The following VTI1B variants were observed in gnomAD, a reference collection of about 807,000 sequenced individuals.
VTI1B encodes vesicle transport through interaction with t-SNAREs homolog 1B.
VTI1B carries 18 observed loss-of-function variants against 28.6 expected under a neutral mutation model. The ratio of observed to expected loss-of-function variants is 0.63; its 90% confidence interval spans 0.43 to 0.93. VTI1B has a LOEUF of 0.93. Ranked by LOEUF, VTI1B falls within the 40% of genes least tolerant of loss-of-function variation. The probability of loss-of-function intolerance (pLI) is 0.00; values close to 1 mark genes in which losing one functional copy is unlikely to be tolerated. For synonymous variants in VTI1B, 100 were observed against 107.9 expected, an observed-to-expected ratio of 0.93 and a Z score of 0.46; for missense variants, 283 against 297.0, an observed-to-expected ratio of 0.95 and a Z score of 0.35.
At position 67,650,824 on chromosome 14, in the gene VTI1B, T is replaced by C; in HGVS notation, c.*561A>G. On this transcript the variant is annotated 3_prime_UTR_variant, in exon 6 of 6. Transcript: ENST00000554659. Reference sequence around the variant, plus strand: ...CAGTAGATGTGATTGCTTCAAGCTTTGGTCAGACAAGAGAAGGAGGGCATA... The same window carrying C: ...CAGTAGATGTGATTGCTTCAAGCTTCGGTCAGACAAGAGAAGGAGGGCATA... 1 of 1,614,194 alleles carries C rather than the reference T, an allele frequency of 6.2e-7. No homozygotes were observed. The highest frequency in any genetic ancestry group is 1.6e-4 in the Middle Eastern group (1 of 6,062).
At chr14:67,667,379 C>A (rs1384013067) in intron 1 of VTI1B, among the ~76,000 whole-genome samples, 4 of 152,120 alleles carry the variant, frequency 2.6e-5, no homozygotes, top group African/African-American at 4.8e-5. Flanking sequence ...TTTATTTGTA[C>A]ACCGTGACAG....
chr14:67,648,467 TTTGAG>T lies in VTI1B; in HGVS notation c.*2913_*2917del. 1.2e-5 allele frequency: 3 copies of T among 246,582 alleles called. No individual in the cohort carries two copies. Among genetic ancestry groups the T allele is most frequent in the Non-Finnish European group, 2.3e-5 (3 of 129,320 alleles). 15.3% of individuals were successfully genotyped at this position (246,582 alleles called of 1,614,324 possible). On this transcript the variant is annotated 3_prime_UTR_variant, in exon 6 of 6. Transcript: ENST00000554659. The stretch of plus-strand genomic sequence containing the variant: ...ATAAATTGTCAAACTGATGCAGTTC[TTTGAG>T]TTATCTAAAGGCAGATTAAGATAAG...
At chr14:67,662,934 A>G (rs2037357671) in intron 1 of VTI1B, 4 of 1,307,856 alleles carry the variant, frequency 3.1e-6, no homozygotes, top group South Asian at 4.7e-5. Context: ...ATGTTTACCA[A>G]TAGTGACTCT....
intron 3 of VTI1B, among the ~76,000 whole-genome samples, chr14:67,657,593 C>T (rs1012007255): frequency 2.2e-5 from 3 of 139,122 alleles, no homozygotes; most frequent in Non-Finnish European, 3.0e-5. Context: ...AGCACGCGCG[C>T]GCGTGCACAC....
At chr14:67,659,581 A>T (rs2140821476) in intron 3 of VTI1B, 150 bp downstream of exon 3, 2 of 742,176 alleles carry the variant, frequency 2.7e-6, no homozygotes, top group Non-Finnish European at 4.1e-6. Context: ...GGGTAACAGG[A>T]ACTGGATGCA....
At chr14:67,653,522 T>C in intron 4 of VTI1B, 24 bp from the exon 5 acceptor site, 1 of 1,602,862 alleles carries the variant, frequency 6.2e-7, no homozygotes, top group Non-Finnish European at 8.5e-7. Context: ...ATAGTGATTA[T>C]TTCCCTCTTT....
At chr14:67,669,082 AC>A (rs1319018226) in intron 1 of VTI1B, among the ~76,000 whole-genome samples, 1 of 152,126 alleles carries the variant, frequency 6.6e-6, no homozygotes, top group Admixed American at 6.5e-5. Context: ...TTTACTCCTC[AC>A]AAAAACCCTG....
chr14:67,665,897 G>A (rs1438268610), intron 1 of VTI1B, among the ~76,000 whole-genome samples: 1 of 152,206 alleles, frequency 6.6e-6, no homozygotes, highest in Non-Finnish European at 1.5e-5. Context: ...CAAATGGTAT[G>A]ACTCTTGACC....
rs753682357 is a variant in VTI1B at position 67,648,231 on chromosome 14, G to C, written c.*3154C>G. ...GCCTGTTAACTACATAGGTAAATAT[G>C]CTAGAGTCTCTTGCCTGCAAAGGAT... is the stretch of plus-strand genomic sequence containing the variant. On this transcript the variant is annotated 3_prime_UTR_variant, in exon 6 of 6. Coordinates refer to ENST00000554659, the MANE Select transcript of VTI1B (RefSeq NM_006370.3). 7 of 1,565,000 alleles carry C rather than the reference G, an allele frequency of 4.5e-6. No homozygotes were observed. In the East Asian group the frequency reaches 1.4e-4, roughly 31 times the overall value.
intron 3 of VTI1B, among the ~76,000 whole-genome samples, chr14:67,659,210 G>A (rs551940083): frequency 2.0e-5 from 3 of 152,150 alleles, no homozygotes; most frequent in African/African-American, 7.2e-5. Context: ...GCTCCTTCTC[G>A]AGAAGCGCCC....
intron 1 of VTI1B, among the ~76,000 whole-genome samples, chr14:67,666,895 C>A (rs1338665418): frequency 3.9e-5 from 6 of 152,316 alleles, no homozygotes; most frequent in African/African-American, 1.4e-4. Flanking sequence ...TAGCCTTTAA[C>A]AACTGGTAAA....
intron 1 of VTI1B, among the ~76,000 whole-genome samples, chr14:67,665,625 C>T (rs1030728645): frequency 6.6e-6 from 1 of 152,150 alleles, no homozygotes; most frequent in Non-Finnish European, 1.5e-5. Flanking sequence ...TCTATAATCT[C>T]AACTTGAGAC....
chr14:67,674,281 G>A, intron 1 of VTI1B, 94 bp downstream of exon 1: 1 of 1,209,660 alleles, frequency 8.3e-7, no homozygotes, highest in Non-Finnish European at 1.1e-6. Context: ...GGAGGGAGGA[G>A]ACGCGGGCCC....
At position 67,647,854 on chromosome 14, in the gene VTI1B, G is replaced by A; in HGVS notation, c.*3531C>T. On this transcript the variant is annotated 3_prime_UTR_variant, in exon 6 of 6. Transcript: ENST00000554659. ...AAATGGCAGTATCATGAAGTGGTATGTAGGAAGTTAATATTGCCAATCTCA... is the reference window on the plus strand; with the variant it reads ...AAATGGCAGTATCATGAAGTGGTATATAGGAAGTTAATATTGCCAATCTCA... The A allele has an allele frequency of 1.7e-6, 1 of 601,024 alleles. No homozygotes were observed. Among genetic ancestry groups the A allele is most frequent in the Non-Finnish European group, 2.9e-6 (1 of 343,712 alleles). The allele number at this position is 601,024 out of a possible 1,614,324, so 37.2% of individuals were successfully genotyped here.
intron 5 of VTI1B, chr14:67,651,744 C>T (rs2037180903): frequency 3.4e-6 from 1 of 294,134 alleles, no homozygotes; most frequent in Admixed American, 4.8e-5. Context: ...GTAGTTACTT[C>T]CTTTAAAAAT....
chr14:67,657,984 G>A (rs2037285522), intron 3 of VTI1B, among the ~76,000 whole-genome samples: 1 of 151,882 alleles, frequency 6.6e-6, no homozygotes, highest in African/African-American at 2.4e-5. Context: ...CCTGACCTCA[G>A]GTGATCCACC....
intron 3 of VTI1B, 44 bp downstream of exon 3, chr14:67,659,687 G>T: frequency 6.5e-7 from 1 of 1,539,800 alleles, no homozygotes; most frequent in Non-Finnish European, 8.8e-7. Context: ...TGTACCACAG[G>T]CCCTTAAAGG....
rs750127521 is a variant in VTI1B at position 67,662,496 on chromosome 14, T to C, written c.155A>G (p.Gln52Arg). 6.2e-6 allele frequency: 10 copies of C among 1,612,368 alleles called. No individual in the cohort carries two copies. The highest frequency in any genetic ancestry group is 8.5e-6 in the Non-Finnish European group (10 of 1,179,620). The change falls in exon 2 of 6, where the codon CAA becomes CGA. Residue 52 changes from glutamine (Q) to arginine (R), a missense_variant. Transcript: ENST00000554659. ...TCTCACCGTTTCATTTGCTTCCTGTTGCTTTTCATCAAAATCCCTGATCAA... is the reference window on the plus strand; with the variant it reads ...TCTCACCGTTTCATTTGCTTCCTGTCGCTTTTCATCAAAATCCCTGATCAA... ...KKLIRDFDEK[Q>R]QEANETLAEM... is the part of the protein sequence containing the mutation.
intron 4 of VTI1B, among the ~76,000 whole-genome samples, chr14:67,655,335 T>A (rs2037241865): frequency 6.6e-6 from 1 of 151,958 alleles, no homozygotes; most frequent in South Asian, 2.1e-4. Context: ...TCTAAAAAAC[T>A]AAAAAATTCC....
Sources: gnomAD v4.1 joint callset for allele counts (sites outside exome capture counted in the v4.1 genomes callset) on GRCh38, gnomAD v4.1.1 for gene constraint, MANE v1.5 for transcripts, NCBI Gene and HGNC (gene_info 2026-07-23, HGNC 2026-07-21) for gene names.